The following COBL variants were observed in gnomAD, a reference collection of about 807,000 sequenced individuals.
COBL encodes cordon-bleu WH2 repeat protein, also known as protein cordon-bleu.
A neutral mutation model predicts 98.8 loss-of-function variants in COBL; 51 were observed. That is an observed-to-expected ratio of 0.52 (90% CI 0.41 to 0.65). The LOEUF (loss-of-function observed/expected upper bound fraction) is 0.65, where lower values mean the gene tolerates loss of function less well. COBL is among the 30% of genes least tolerant of loss of function. The pLI, the probability that COBL is intolerant of heterozygous loss-of-function variation, is 0.00. For synonymous variants in COBL, 634 were observed against 651.7 expected, an observed-to-expected ratio of 0.97 and a Z score of 0.41; for missense variants, 1,617 against 1,617.5, an observed-to-expected ratio of 1.00 and a Z score of 0.01.
rs916760497 is a variant in COBL at position 51,163,230 on chromosome 7, G to A, written c.783+20872C>T. Among the ~76,000 whole-genome samples, 8 of 152,328 alleles carry A rather than the reference G, an allele frequency of 5.3e-5. No individual in the cohort carries two copies. The South Asian group carries it at 8.3e-4, about 16-fold the overall frequency. The stretch of plus-strand genomic sequence containing the variant: ...AAATGTGCAGACTAGGATCAATGGC[G>A]TGGAAAAAATATGTAAAAACAACGG... On this transcript the variant is annotated intron_variant, in intron 5 of 12. Coordinates refer to ENST00000265136, the MANE Select transcript of COBL (RefSeq NM_015198.5).
At chr7:51,268,955 T>A (rs965690165) in intron 1 of COBL, among the ~76,000 whole-genome samples, 4 of 126,762 alleles carry the variant, frequency 3.2e-5, no homozygotes, top group Non-Finnish European at 7.1e-5. Flanking sequence ...AAAAAAAAAA[T>A]TCAGGCTTCC....
intron 7 of COBL, among the ~76,000 whole-genome samples, chr7:51,058,485 C>G (rs187396776): frequency 6.6e-6 from 1 of 152,054 alleles, no homozygotes; most frequent in Non-Finnish European, 1.5e-5. Context: ...CCTGGGAAAT[C>G]GAGGCTGCAG....
chr7:51,231,818 T>C (rs1038268805), intron 1 of COBL, among the ~76,000 whole-genome samples: 4 of 152,162 alleles, frequency 2.6e-5, no homozygotes, highest in Admixed American at 1.3e-4. Context: ...CACAAGAGCA[T>C]GTGGCACCAG....
At chr7:51,260,474 T>C (rs1295631941) in intron 1 of COBL, among the ~76,000 whole-genome samples, 4 of 152,230 alleles carry the variant, frequency 2.6e-5, no homozygotes, top group South Asian at 2.1e-4. Context: ...CCCTCCCTGA[T>C]GCAAGTCCAT....
intron 1 of COBL, among the ~76,000 whole-genome samples, chr7:51,277,335 A>C (rs903159133): frequency 1.3e-5 from 2 of 152,352 alleles, no homozygotes; most frequent in African/African-American, 4.8e-5. Flanking sequence ...TGCATGCAGA[A>C]GTGTAAATAC....
rs115562232 is a variant in COBL, at chr7:51,106,367, C to G, written c.958-21063G>C. Among the ~76,000 whole-genome samples, 1,087 of 152,252 alleles carry G rather than the reference C, an allele frequency of 7.1e-3. 13 individuals carry two copies. The highest frequency in any genetic ancestry group is 0.025 in the African/African-American group (1,055 of 41,536). On this transcript the variant is annotated intron_variant, in intron 6 of 12. Transcript: ENST00000265136. ...GGTCACTGTAATAAAGCAGTGCCGA[C>G]CCCTGTGTGTAAGGGGCATGTTTGC...
At position 51,210,685 on chromosome 7, in the gene COBL, A is replaced by G. The variant is rs76781744; in HGVS notation, c.245+9056T>C. 9.2e-3 allele frequency among the ~76,000 whole-genome samples: 1,394 copies of G among 152,300 alleles called. 19 individuals are homozygous for G. The highest frequency in any genetic ancestry group is 0.032 in the African/African-American group (1,314 of 41,556). On this transcript the variant is annotated intron_variant, in intron 2 of 12. Coordinates refer to ENST00000265136, the MANE Select transcript of COBL (RefSeq NM_015198.5). ...TTATGATGTTTCCTGCAGGGTTTGA[A>G]ACTTGGTGTGACCCTTCCCAGTCTC... is the stretch of plus-strand genomic sequence containing the variant.
chr7:51,066,873 T>C (rs181955548), intron 7 of COBL, among the ~76,000 whole-genome samples: 1 of 152,336 alleles, frequency 6.6e-6, no homozygotes, highest in Non-Finnish European at 1.5e-5. Context: ...AGACGAAAGA[T>C]GAGGTTTGAG....
chr7:51,184,154 T>G lies in COBL; in HGVS notation c.731A>C (p.Glu244Ala), dbSNP rs1472782940. Residue 244 changes from glutamate (E) to alanine (A), a missense_variant, in exon 5 of 13, where the codon GAG becomes GCG. By Grantham distance (107) the Glu-to-Ala change is moderately radical. Coordinates refer to ENST00000265136, the MANE Select transcript of COBL (RefSeq NM_015198.5). The part of the protein sequence containing the change: ...SSLGNDETDK[E>A]KKKFLGFFKV... ...GAAAAATCCCAGAAATTTTTTCTTC[T>G]CTTTATCTGTCTCATCATTGCCAAG... The G allele has an allele frequency of 6.4e-7, 1 of 1,572,196 alleles. No homozygotes were observed. The highest frequency in any genetic ancestry group is 8.6e-7 in the Non-Finnish European group (1 of 1,156,712).
At position 51,025,242 on chromosome 7, in the gene COBL, G is replaced by A. The variant is rs1166922465; in HGVS notation, c.3635C>T (p.Pro1212Leu). The A allele has an allele frequency of 1.2e-6, 2 of 1,608,984 alleles. No homozygotes were observed. The highest frequency in any genetic ancestry group is 1.3e-5 in the African/African-American group (1 of 74,726). ...TGGTGCAGAGAGAGCCTGGGAGGGT[G>A]GAGGGGGTGGTGGGGGAATGGCTGG... ...SPPAIPPPPP[P>L]PSQALSAPRT... is the part of the protein sequence containing the mutation. Residue 1212 changes from proline to leucine, a missense_variant, in exon 12 of 13, where the codon CCA becomes CTA. Pro to Leu is a moderately conservative substitution (Grantham distance 98, BLOSUM62 -3). Transcript: ENST00000265136.
At chr7:51,031,000 C>T in intron 8 of COBL, 91 bp from the exon 9 acceptor site, 1 of 898,404 alleles carries the variant, frequency 1.1e-6, no homozygotes, top group South Asian at 1.4e-5. Flanking sequence ...TAGAACAGCT[C>T]ATACTCAAAT....
intron 7 of COBL, among the ~76,000 whole-genome samples, chr7:51,055,514 T>C (rs75423160): frequency 0.017 from 2,637 of 152,140 alleles, 73 homozygotes; most frequent in African/African-American, 0.06. Flanking sequence ...ACATCCTAAG[T>C]TCTCTGAGAA....
chr7:51,123,531 A>T (rs1797930717), intron 6 of COBL, among the ~76,000 whole-genome samples: 1 of 152,142 alleles, frequency 6.6e-6, no homozygotes, highest in South Asian at 2.1e-4. Context: ...CTTTCTGCAC[A>T]AGCAGAACAG....
At chr7:51,171,431 ACTAT>A (rs1207694364) in intron 5 of COBL, among the ~76,000 whole-genome samples, 5 of 152,176 alleles carry the variant, frequency 3.3e-5, no homozygotes, top group African/African-American at 1.2e-4. Flanking sequence ...ATCCTTATAT[ACTAT>A]CTATGTAAAG....
intron 2 of COBL, among the ~76,000 whole-genome samples, chr7:51,209,204 A>C (rs1177507367): frequency 6.6e-6 from 1 of 152,138 alleles, no homozygotes; most frequent in Non-Finnish European, 1.5e-5. Context: ...AAGAATCCCT[A>C]AAGTGCCCTC....
At chr7:51,145,008 C>G (rs1286290654) in intron 5 of COBL, among the ~76,000 whole-genome samples, 1 of 152,164 alleles carries the variant, frequency 6.6e-6, no homozygotes, top group Admixed American at 6.5e-5. Flanking sequence ...GTGTACTATT[C>G]ACTTGTTTTT....
intron 6 of COBL, among the ~76,000 whole-genome samples, chr7:51,122,280 G>A (rs147401285): frequency 2.0e-5 from 3 of 152,276 alleles, no homozygotes; most frequent in Non-Finnish European, 2.9e-5. Context: ...TTAGCTGCCC[G>A]GCTATTTCCA....
chr7:51,207,022 T>TAC (rs367615202), intron 2 of COBL, among the ~76,000 whole-genome samples: 7 of 152,018 alleles, frequency 4.6e-5, no homozygotes, highest in Admixed American at 6.5e-5. Flanking sequence ...GTGTTCTCAC[T>TAC]ACACACACAC....
chr7:51,024,170 G>A (rs1469653692), intron 12 of COBL, among the ~76,000 whole-genome samples: 6 of 151,958 alleles, frequency 3.9e-5, no homozygotes, highest in South Asian at 2.1e-4. Flanking sequence ...TTAGCCGGGC[G>A]TGGTGGCGGG....
Sources: gnomAD v4.1 joint callset for allele counts (sites outside exome capture counted in the v4.1 genomes callset) on GRCh38, gnomAD v4.1.1 for gene constraint, MANE v1.5 for transcripts, NCBI Gene and HGNC (gene_info 2026-07-23, HGNC 2026-07-21) for gene names.